EFCAB3: variants seen among roughly 807,000 people sequenced by gnomAD.
EFCAB3 encodes EF-hand calcium binding domain 3, also known as EF-hand calcium-binding domain-containing protein 3.
EFCAB3 carries 36 observed loss-of-function variants against 42.2 expected under a neutral mutation model. The observed-to-expected ratio is 0.85, with a 90% CI of 0.65 to 1.13. The LOEUF is 1.13. Among genes scored for constraint, EFCAB3 ranks in the 50% most tolerant of loss-of-function variants. The probability of loss-of-function intolerance (pLI) is 0.00; values close to 1 mark genes in which losing one functional copy is unlikely to be tolerated. For synonymous variants in EFCAB3, 170 were observed against 172.8 expected (o/e 0.98, Z 0.13); for missense variants, 418 against 505.1 (o/e 0.83, Z 1.65).
At chr17:62,387,530 G>C in intron 3 of EFCAB3, 114 bp downstream of exon 3, 1 of 830,434 alleles carries the variant, frequency 1.2e-6, no homozygotes, top group Non-Finnish European at 1.8e-6. Context: ...CATCATTTGA[G>C]AGAAAGGAAA....
chr17:62,383,046 A>G lies in EFCAB3; in HGVS notation c.67A>G (p.Asn23Asp). 2 of 1,611,930 alleles carry G rather than the reference A, an allele frequency of 1.2e-6. No homozygotes were observed. Among genetic ancestry groups the G allele is most frequent in the Middle Eastern group, 1.7e-4 (1 of 6,046 alleles). Residue 23 changes from asparagine to aspartate, a missense_variant, in exon 2 of 10, where the codon AAT becomes GAT. Physicochemically the swap from Asn to Asp is conservative, Grantham distance 23. Coordinates refer to ENST00000305286, the MANE Select transcript of EFCAB3 (RefSeq NM_173503.4). The stretch of plus-strand genomic sequence containing the variant: ...TCTAACAAAAGTACCCATCTCCCAC[A>G]ATAAAAGGTAGGTAATGAATGATTA... ...NPLTKVPISH[N>D]KRDRDLPGSL...
Position 62,413,730 on chromosome 17 carries a change from A to G in EFCAB3, c.868-2A>G. 6.3e-7 allele frequency: 1 copy of G among 1,595,072 alleles called. No homozygotes were observed. The highest frequency in any genetic ancestry group is 1.2e-5 in the South Asian group (1 of 86,810). ...AACCTTCTTTTTTAAATATGCATAA[A>G]GGCAGCAAATATAAAGTCTATGGAC... On this transcript the variant is annotated splice_acceptor_variant, in intron 8 of 9. Coordinates refer to ENST00000305286, the MANE Select transcript of EFCAB3 (RefSeq NM_173503.4). LOFTEE classifies it high-confidence loss of function.
chr17:62,383,236 G>T (rs1252552534), intron 2 of EFCAB3, 183 bp downstream of exon 2: 3 of 511,010 alleles, frequency 5.9e-6, no homozygotes, highest in Non-Finnish European at 1.0e-5. Context: ...AGCACTTTGG[G>T]AGGCCGAGGT....
chr17:62,404,517 C>T (rs888541605), intron 6 of EFCAB3, among the ~76,000 whole-genome samples: 3 of 152,074 alleles, frequency 2.0e-5, no homozygotes, highest in African/African-American at 4.8e-5. Flanking sequence ...AAATAACAGG[C>T]TGGGCGCGGT....
At chr17:62,397,529 A>G (rs1164755175) in intron 6 of EFCAB3, 4 of 569,092 alleles carry the variant, frequency 7.0e-6, no homozygotes, top group Non-Finnish European at 1.4e-5. Flanking sequence ...TGAGGGTTGC[A>G]TGAGAGGTGC....
chr17:62,396,598 A>T (rs147768708), intron 6 of EFCAB3, among the ~76,000 whole-genome samples: 1,699 of 150,852 alleles, frequency 0.011, 35 homozygotes, highest in African/African-American at 0.039. Flanking sequence ...AGCTTCGTTT[A>T]AAAAAAAATT....
chr17:62,382,850 T>C (rs1419173464), intron 1 of EFCAB3, 113 bp from the exon 2 acceptor site: 4 of 814,868 alleles, frequency 4.9e-6, no homozygotes, highest in Admixed American at 3.3e-5. Flanking sequence ...TCTATTACCA[T>C]TTCTTGAGGC....
upstream of EFCAB3, among the ~76,000 whole-genome samples, chr17:62,379,715 G>C (rs910640418): frequency 6.6e-6 from 1 of 152,146 alleles, no homozygotes; most frequent in African/African-American, 2.4e-5. Flanking sequence ...AGAGATATCT[G>C]TACTTAGCCA....
rs2070453791 is a variant in EFCAB3, at chr17:62,407,029, A to T, written c.684A>T (p.Arg228Ser). The T allele has an allele frequency of 3.2e-6, 5 of 1,575,160 alleles. No individual in the cohort carries two copies. In the African/African-American group the frequency reaches 4.1e-5, roughly 13 times the overall value. ...DLFKFLEELK[R>S]CNSGSDSPYS... Reference sequence around the variant, plus strand: ...CCATTTTTGTTTTTATCTTTTTAGGATGCAATTCCGGTTCAGATAGCCCAT... The same window carrying T: ...CCATTTTTGTTTTTATCTTTTTAGGTTGCAATTCCGGTTCAGATAGCCCAT... Residue 228 changes from arginine (R) to serine (S), a missense_variant and splice_region_variant, in exon 8 of 10, where the codon AGA becomes AGT. Physicochemically the swap from Arg to Ser is moderately radical, Grantham distance 110. Coordinates refer to ENST00000305286, the MANE Select transcript of EFCAB3 (RefSeq NM_173503.4).
At chr17:62,402,197 G>A (rs904973854) in intron 6 of EFCAB3, among the ~76,000 whole-genome samples, 7 of 152,270 alleles carry the variant, frequency 4.6e-5, no homozygotes, top group African/African-American at 1.7e-4. Flanking sequence ...GGGCTGAGAC[G>A]ATGGGGTTTT....
At chr17:62,400,077 C>G (rs2070387546) in intron 6 of EFCAB3, among the ~76,000 whole-genome samples, 3 of 151,972 alleles carry the variant, frequency 2.0e-5, no homozygotes, top group African/African-American at 7.2e-5. Context: ...GAGAATGAGG[C>G]ACAGAGAAGA....
At chr17:62,415,936 T>C in intron 9 of EFCAB3, 67 bp from the exon 10 acceptor site, 2 of 1,298,344 alleles carry the variant, frequency 1.5e-6, no homozygotes. Context: ...GGGGTATCTA[T>C]CATTGTGGTC....
rs1385988284 is a variant in EFCAB3 at position 62,409,142 on chromosome 17, C to T, written c.867+1930C>T. ...GCGTGATCTTGGCTCACTACAACCT[C>T]CACTTCCCAGGTTCAAGCAATTCTC... On this transcript the variant is annotated intron_variant, in intron 8 of 9. Coordinates refer to ENST00000305286, the MANE Select transcript of EFCAB3 (RefSeq NM_173503.4). Among the ~76,000 whole-genome samples the T allele has an allele frequency of 4.6e-5, 7 of 152,196 alleles. No homozygotes were observed. The East Asian group carries it at 1.2e-3, about 25-fold the overall frequency.
Position 62,381,708 on chromosome 17 carries a change from G to A in EFCAB3, c.-18+1095G>A, listed in dbSNP as rs538304566. On this transcript the variant is annotated intron_variant, in intron 1 of 9. Transcript: ENST00000305286. ...CTCCCTCCTGCTGGCTGCCCTCGGG[G>A]GCAGCACCTCCCTCAGAGCCAAAGA... 310 of 229,228 alleles carry A rather than the reference G, an allele frequency of 1.4e-3. 8 individuals are homozygous for A. The South Asian group carries it at 0.016, about 12-fold the overall frequency. 14.2% of individuals were successfully genotyped at this position (229,228 alleles called of 1,614,324 possible). A position where few individuals can be genotyped will look rare whatever the true frequency, so the allele number is the denominator to read the frequency against.
At chr17:62,379,402 A>G (rs1436639189), upstream of EFCAB3, among the ~76,000 whole-genome samples, 3 of 135,030 alleles carry the variant, frequency 2.2e-5, no homozygotes, top group Admixed American at 1.6e-4. Context: ...CCTGGGCAAC[A>G]TAGTGAGACC....
Position 62,371,091 on chromosome 17 carries a change from C to T in EFCAB3, c.34+769C>T, listed in dbSNP as rs2070111317. Among the ~76,000 whole-genome samples the T allele has an allele frequency of 8.9e-5, 6 of 67,196 alleles. No homozygotes were observed. The South Asian group carries it at 2.8e-3, about 32-fold the overall frequency. The allele number at this position is 67,196 out of a possible 152,430, so 44.1% of individuals were successfully genotyped here. ...TGGGCAACAGGGCAAGACCCTGTCTCCTTAAAAAAAGAAAAAAAAAAAAGA... is the reference window on the plus strand; with the variant it reads ...TGGGCAACAGGGCAAGACCCTGTCTTCTTAAAAAAAGAAAAAAAAAAAAGA... On this transcript the variant is annotated intron_variant, in intron 1 of 11. Coordinates refer to the EFCAB3 transcript ENST00000450662.
intron 3 of EFCAB3, 84 bp from the exon 4 acceptor site, chr17:62,391,738 A>C (rs1326574525): frequency 7.5e-7 from 1 of 1,332,588 alleles, no homozygotes. Flanking sequence ...ATCTCCAGTC[A>C]ACTATATTGT....
chr17:62,414,386 C>T (rs958672576), intron 9 of EFCAB3, among the ~76,000 whole-genome samples: 7 of 152,186 alleles, frequency 4.6e-5, no homozygotes, highest in African/African-American at 9.7e-5. Flanking sequence ...GTACTGATTA[C>T]TGTTAAAGTT....
intron 6 of EFCAB3, among the ~76,000 whole-genome samples, chr17:62,400,906 C>T (rs879006380): frequency 6.6e-6 from 1 of 152,132 alleles, no homozygotes; most frequent in African/African-American, 2.4e-5. Flanking sequence ...TCTCCACATC[C>T]TCTCCAGCAC....
Sources: allele counts gnomAD v4.1 joint callset (sites outside exome capture counted in the v4.1 genomes callset), GRCh38; gene constraint gnomAD v4.1.1; transcripts MANE v1.5; gene names NCBI Gene and HGNC (gene_info 2026-07-23, HGNC 2026-07-21).